The following FAM240C variants were observed in gnomAD, a reference collection of about 807,000 sequenced individuals.
FAM240C encodes family with sequence similarity 240 member C, also known as protein FAM240C.
Under a neutral mutation model 10.0 loss-of-function variants are expected in FAM240C, and 14 were observed. The ratio of observed to expected loss-of-function variants is 1.40; its 90% CI spans 0.92 to 2.19. The LOEUF (loss-of-function observed/expected upper bound fraction) is 2.19. Among genes scored for constraint, FAM240C ranks in the 30% most tolerant of loss-of-function variants. The probability of loss-of-function intolerance (pLI) is 0.00; values close to 1 mark genes in which losing one functional copy is unlikely to be tolerated. For synonymous variants in FAM240C, 49 were observed against 44.3 expected (o/e 1.11, Z -0.42); for missense variants, 154 against 122.3 (o/e 1.26, Z -1.22).
In FAM240C at chr2:241,894,265, C is replaced by T; in HGVS notation, c.236G>A (p.Arg79Lys). The T allele has an allele frequency of 6.5e-7, 1 of 1,550,044 alleles. No homozygotes were observed. The highest frequency in any genetic ancestry group is 8.7e-7 in the Non-Finnish European group (1 of 1,146,830). The part of the protein sequence containing the change: ...MLQGPGRCPD[R>K]VPEATESLHT... Reference sequence around the variant, plus strand: ...GAGGGACTCAGTGGCCTCCGGGACCCTGTCTGGGCATCTCCCTGGGCCCTG... The same window carrying T: ...GAGGGACTCAGTGGCCTCCGGGACCTTGTCTGGGCATCTCCCTGGGCCCTG... The change falls in exon 3 of 3, where the codon AGG (arginine) becomes AAG (lysine). Residue 79 changes from arginine (R) to lysine (K), a missense_variant. Physicochemically the swap from Arg to Lys is conservative, Grantham distance 26. Coordinates refer to ENST00000404031, the MANE Select transcript of FAM240C (RefSeq NM_001382368.1).
In FAM240C at chr2:241,894,990, C is replaced by T. The variant is rs538603435; in HGVS notation, c.162-651G>A. ...AGACCTGGGCAGATCCCCACCTGCCCGCAGCTGCCGCTTCCTTCAGCCTCA... is the reference window on the plus strand; with the variant it reads ...AGACCTGGGCAGATCCCCACCTGCCTGCAGCTGCCGCTTCCTTCAGCCTCA... On this transcript the variant is annotated intron_variant, in intron 2 of 2. Coordinates refer to ENST00000404031, the MANE Select transcript of FAM240C (RefSeq NM_001382368.1). Among the ~76,000 whole-genome samples, 19 of 152,340 alleles carry T rather than the reference C, an allele frequency of 1.2e-4. No homozygotes were observed. The South Asian group carries it at 3.9e-3, about 32-fold the overall frequency.
intron 1 of FAM240C, chr2:241,899,344 T>C: frequency 1.0e-6 from 1 of 985,390 alleles, no homozygotes; most frequent in Non-Finnish European, 1.2e-6. Context: ...TGCCACGCCC[T>C]TTGTTCCAGA....
chr2:241,899,418 A>C, intron 1 of FAM240C: 1 of 836,790 alleles, frequency 1.2e-6, no homozygotes, highest in Non-Finnish European at 1.4e-6. Context: ...TGTGCTGAGG[A>C]CGCTGGCGCG....
chr2:241,900,275 C>T lies in FAM240C; in HGVS notation c.12+83G>A. 2 of 710,298 alleles carry T rather than the reference C, an allele frequency of 2.8e-6. No individual in the cohort carries two copies. The highest frequency in any genetic ancestry group is 5.3e-6 in the Non-Finnish European group (2 of 379,824). 44.0% of individuals were successfully genotyped at this position (710,298 alleles called of 1,614,324 possible). ...CGTCTTGTGCCAGATATGTCACATACTCTGTTCACCTTTTGGGGGCCCCCA... is the reference window on the plus strand; with the variant it reads ...CGTCTTGTGCCAGATATGTCACATATTCTGTTCACCTTTTGGGGGCCCCCA... On this transcript the variant is annotated intron_variant, in intron 1 of 2. Coordinates refer to ENST00000404031, the MANE Select transcript of FAM240C (RefSeq NM_001382368.1). The surrounding 1 kb of genome is among the most constrained non-coding windows in gnomAD (Gnocchi z 4.5).
At chr2:241,899,209 C>A (rs749139173) in intron 1 of FAM240C, 3 of 1,303,868 alleles carry the variant, frequency 2.3e-6, no homozygotes, top group South Asian at 1.2e-5. Flanking sequence ...CTTGATGTGA[C>A]CCCTGGCTGG....
rs555861301 is a variant in FAM240C, at chr2:241,894,117, C to G, written c.*96G>C. 7.3e-6 allele frequency: 10 copies of G among 1,373,642 alleles called. No individual in the cohort carries two copies. The South Asian group carries it at 1.3e-4, about 18-fold the overall frequency. The allele number at this position is 1,373,642 out of a possible 1,614,324, so 85.1% of individuals were successfully genotyped here. A position where few individuals can be genotyped will look rare whatever the true frequency, so the allele number is the denominator to read the frequency against. On this transcript the variant is annotated 3_prime_UTR_variant, in exon 3 of 3. Transcript: ENST00000404031. ...TGCGGGCCATTTCCATGATGAAGAT[C>G]CTGTGAACTCTGGCGTGGATGCTTG...
rs1197295025 is a variant in FAM240C at position 241,896,572 on chromosome 2, T to A, written c.161+614A>T. Among the ~76,000 whole-genome samples, 302 of 85,554 alleles carry A rather than the reference T, an allele frequency of 3.5e-3. 1 individual carries two copies. The highest frequency in any genetic ancestry group is 0.021 in the Middle Eastern group (3 of 146). The allele number at this position is 85,554 out of a possible 152,430, so 56.1% of individuals were successfully genotyped here. ...GGGTGTGTGTGTTGGGGTGTGGGTG[T>A]GGGGGTGTGGGTGTTGGGGTGTGGG... On this transcript the variant is annotated intron_variant, in intron 2 of 2. Coordinates refer to ENST00000404031, the MANE Select transcript of FAM240C (RefSeq NM_001382368.1).
chr2:241,896,990 C>T lies in FAM240C; in HGVS notation c.161+196G>A, dbSNP rs28490306. 5.9e-5 allele frequency among the ~76,000 whole-genome samples: 9 copies of T among 151,810 alleles called. 1 individual carries two copies. The South Asian group carries it at 1.0e-3, about 17-fold the overall frequency. On this transcript the variant is annotated intron_variant, in intron 2 of 2. Coordinates refer to ENST00000404031, the MANE Select transcript of FAM240C (RefSeq NM_001382368.1). ...GTCATTTCCCACCTACTGTTCCAAG[C>T]GTGATCACTAAGGTGAGTGAATGGC...
At chr2:241,897,484 G>C (rs1369872927) in intron 1 of FAM240C, 150 bp from the exon 2 acceptor site, 5 of 938,352 alleles carry the variant, frequency 5.3e-6, no homozygotes, top group Non-Finnish European at 7.9e-6. Context: ...GGCGGAGGCT[G>C]CCCTCTGAGA....
At chr2:241,897,129 G>A (rs979456499) in intron 2 of FAM240C, 57 bp downstream of exon 2, 10 of 1,529,832 alleles carry the variant, frequency 6.5e-6, no homozygotes, top group African/African-American at 1.4e-5. Context: ...TGTGCCCCTG[G>A]GTGGCGAGCG....
intron 1 of FAM240C, among the ~76,000 whole-genome samples, chr2:241,898,791 C>T (rs950030983): frequency 2.6e-5 from 4 of 152,128 alleles, no homozygotes; most frequent in African/African-American, 9.7e-5. Flanking sequence ...ACAAGGGAGC[C>T]AGGGCCACGT....
Position 241,897,226 on chromosome 2 carries a change from G to A in FAM240C, c.121C>T (p.Gln41Ter). 6.5e-7 allele frequency: 1 copy of A among 1,549,988 alleles called. No individual in the cohort carries two copies. Among genetic ancestry groups the A allele is most frequent in the Non-Finnish European group, 8.7e-7 (1 of 1,146,540 alleles). Residue 41 changes from glutamine to a stop codon, truncating the protein, a stop_gained, in exon 2 of 3, where the codon CAG becomes TAG. Transcript: ENST00000404031. LOFTEE classifies it high-confidence loss of function. ...CTGCGAACCCTGATGTCCTCGTTCT[G>A]CAGGTGTCTTGCGTGATGCTCGATT... ...KKIEHHARHL[Q>*]NEDIRVRRSA...
rs1332266037 is a variant in FAM240C at position 241,894,205 on chromosome 2, G to A, written c.*8C>T. Reference sequence around the variant, plus strand: ...GAAGCTCATGCAGAGTCTGGAGCTCGTGGGCCCTCAGGCCGCCTTCTTGTC... The same window carrying A: ...GAAGCTCATGCAGAGTCTGGAGCTCATGGGCCCTCAGGCCGCCTTCTTGTC... On this transcript the variant is annotated 3_prime_UTR_variant, in exon 3 of 3. Coordinates refer to ENST00000404031, the MANE Select transcript of FAM240C (RefSeq NM_001382368.1). 6 of 1,548,284 alleles carry A rather than the reference G, an allele frequency of 3.9e-6. No individual in the cohort carries two copies. Among genetic ancestry groups the A allele is most frequent in the East Asian group, 4.9e-5 (2 of 40,880 alleles).
At chr2:241,896,013 T>A (rs1388709332) in intron 2 of FAM240C, among the ~76,000 whole-genome samples, 1 of 152,076 alleles carries the variant, frequency 6.6e-6, no homozygotes, top group Non-Finnish European at 1.5e-5. Context: ...TGCGTGGTGC[T>A]GGGCTCTGTG....
At chr2:241,896,944 C>T (rs77205168) in intron 2 of FAM240C, among the ~76,000 whole-genome samples, 2 of 150,572 alleles carry the variant, frequency 1.3e-5, no homozygotes, top group Non-Finnish European at 1.5e-5. Flanking sequence ...CCTGGTCTCA[C>T]GGTTAGCAAC....
chr2:241,895,365 G>A (rs576688081), intron 2 of FAM240C, among the ~76,000 whole-genome samples: 2 of 152,348 alleles, frequency 1.3e-5, no homozygotes, highest in African/African-American at 4.8e-5. Context: ...TCCCAGAGAG[G>A]CTGCCAGGAC....
At position 241,897,258 on chromosome 2, in the gene FAM240C, T is replaced by C. The variant is rs1030212416; in HGVS notation, c.89A>G (p.Glu30Gly). The C allele has an allele frequency of 5.8e-6, 9 of 1,549,834 alleles. No homozygotes were observed. The Admixed American group carries it at 9.8e-5, about 17-fold the overall frequency. ...TCTTGCGTGATGCTCGATTTTTTTC[T>C]CCCAAAACATCTTTATCCCGCCTGA... ...YDSGGIKMFW[E>G]KKIEHHARHL... Residue 30 changes from glutamate to glycine, a missense_variant, in exon 2 of 3, where the codon GAG becomes GGG. By Grantham distance (98) the Glu-to-Gly change is moderately conservative. Coordinates refer to ENST00000404031, the MANE Select transcript of FAM240C (RefSeq NM_001382368.1).
At chr2:241,897,089 G>T in intron 2 of FAM240C, 97 bp downstream of exon 2, 1 of 1,357,632 alleles carries the variant, frequency 7.4e-7, no homozygotes, top group Non-Finnish European at 1.0e-6. Context: ...TGAGGGCCAG[G>T]GCTGTGTCAG....
In FAM240C at chr2:241,897,352, G is replaced by A. The variant is rs1701876307; in HGVS notation, c.13-18C>T. The A allele has an allele frequency of 1.3e-6, 2 of 1,548,750 alleles. No homozygotes were observed. The highest frequency in any genetic ancestry group is 1.7e-6 in the Non-Finnish European group (2 of 1,145,804). On this transcript the variant is annotated intron_variant, in intron 1 of 2. Coordinates refer to ENST00000404031, the MANE Select transcript of FAM240C (RefSeq NM_001382368.1). ...CTCATGTTCTGGAAAATAAAAAGTG[G>A]AGAAGAGCTCAGTCACCTTATGCCA...
Sources: allele counts gnomAD v4.1 joint callset (sites outside exome capture counted in the v4.1 genomes callset), GRCh38; gene constraint gnomAD v4.1.1; non-coding constraint Gnocchi (gnomAD v3.1); transcripts MANE v1.5; gene names NCBI Gene and HGNC (gene_info 2026-07-23, HGNC 2026-07-21).